GIT2: variants seen among roughly 807,000 people sequenced by gnomAD.
GIT2 encodes GIT ArfGAP 2, also known as ARF GTPase-activating protein GIT2.
GIT2 carries 32 observed loss-of-function variants against 100.3 expected under a neutral mutation model. That is an observed-to-expected ratio of 0.32 (90% CI 0.24 to 0.43). GIT2 has a LOEUF of 0.43. Ranked by LOEUF, GIT2 falls within the 20% of genes least tolerant of loss-of-function variation. The pLI is 1.00. For synonymous variants in GIT2, 353 were observed against 364.1 expected (o/e 0.97, Z 0.35); for missense variants, 737 against 975.1 (o/e 0.76, Z 3.25).
chr12:109,992,198 G>A (rs1435662409), intron 1 of GIT2: 3 of 141,916 alleles, frequency 2.1e-5, no homozygotes, highest in Non-Finnish European at 3.0e-5. Context: ...CCAGGCTGGA[G>A]TACAGAGGCA....
At chr12:109,938,703 G>T in intron 17 of GIT2, 135 bp from the exon 18 acceptor site, 1 of 610,766 alleles carries the variant, frequency 1.6e-6, no homozygotes, top group Non-Finnish European at 2.8e-6. Flanking sequence ...CTGTCTAGCA[G>T]GAGACTCATG....
intron 7 of GIT2, among the ~76,000 whole-genome samples, chr12:109,970,535 C>T (rs1481388129): frequency 6.6e-6 from 1 of 152,134 alleles, no homozygotes; most frequent in Non-Finnish European, 1.5e-5. Flanking sequence ...ACTATCCTTC[C>T]TCCACCACTG....
At chr12:109,969,103 C>G (rs1274294776) in intron 7 of GIT2, among the ~76,000 whole-genome samples, 1 of 151,580 alleles carries the variant, frequency 6.6e-6, no homozygotes, top group Non-Finnish European at 1.5e-5. Context: ...GTATTTTTCT[C>G]CCAGTCTGTT....
At chr12:109,991,583 T>G (rs373614837) in intron 2 of GIT2, 44 bp downstream of exon 2, 3 of 1,538,968 alleles carry the variant, frequency 1.9e-6, no homozygotes, top group Non-Finnish European at 2.7e-6. Context: ...TGATGAGCCC[T>G]AAAATGTAAA....
chr12:109,983,044 C>CA, intron 6 of GIT2: 1 of 208,254 alleles, frequency 4.8e-6, no homozygotes, highest in South Asian at 8.9e-5. Flanking sequence ...CTTTTAAGTT[C>CA]AAGAAATAAC....
intron 1 of GIT2, among the ~76,000 whole-genome samples, chr12:109,995,292 G>A (rs1323557389): frequency 4.6e-5 from 7 of 152,178 alleles, no homozygotes; most frequent in African/African-American, 1.7e-4. Flanking sequence ...TGGCTTTAGC[G>A]TTTCAATGCC....
At chr12:109,936,854 G>T (rs531225355) in intron 18 of GIT2, among the ~76,000 whole-genome samples, 14 of 147,104 alleles carry the variant, frequency 9.5e-5, no homozygotes, top group African/African-American at 3.6e-4. Context: ...GGGTGACAGA[G>T]CAAGACTCTG....
chr12:109,996,594 C>T (rs182995277), upstream of GIT2, among the ~76,000 whole-genome samples: 397 of 152,338 alleles, frequency 2.6e-3, 5 homozygotes, highest in African/African-American at 8.9e-3. Context: ...AACCCTGCAG[C>T]CACAACCTTC....
chr12:109,951,670 T>C lies in GIT2; in HGVS notation c.1243-354A>G, dbSNP rs1178342920. Among the ~76,000 whole-genome samples the C allele has an allele frequency of 2.6e-5, 4 of 152,224 alleles. No homozygotes were observed. In the South Asian group the frequency reaches 6.2e-4, roughly 24 times the overall value. ...TTCATTCCAACATTTTCATTGAACA[T>C]TAGGCAGTGTTCTAGGTGCTTGGGA... On this transcript the variant is annotated intron_variant, in intron 13 of 19. Transcript: ENST00000355312.
intron 4 of GIT2, chr12:109,983,974 T>C: frequency 2.5e-6 from 1 of 399,378 alleles, no homozygotes; most frequent in South Asian, 2.7e-5. Context: ...AGAACCTGAG[T>C]GAGAGGCAGG....
intron 7 of GIT2, among the ~76,000 whole-genome samples, chr12:109,973,334 T>A (rs1884360427): frequency 1.3e-5 from 2 of 151,890 alleles, no homozygotes; most frequent in Admixed American, 1.3e-4. Flanking sequence ...AGAGACGGAG[T>A]TTCACCATGT....
intron 7 of GIT2, among the ~76,000 whole-genome samples, chr12:109,971,910 C>T (rs1883968371): frequency 1.3e-5 from 2 of 151,742 alleles, no homozygotes; most frequent in Non-Finnish European, 2.9e-5. Context: ...AGGAGAATTG[C>T]TTGAACCCGG....
At chr12:109,978,391 G>A (rs1342225434) in intron 7 of GIT2, among the ~76,000 whole-genome samples, 2 of 152,058 alleles carry the variant, frequency 1.3e-5, no homozygotes, top group Non-Finnish European at 2.9e-5. Context: ...CCCAAATTTA[G>A]AGGGTTTTTT....
At chr12:109,965,261 T>G (rs1278617657) in intron 9 of GIT2, among the ~76,000 whole-genome samples, 1 of 152,160 alleles carries the variant, frequency 6.6e-6, no homozygotes, top group African/African-American at 2.4e-5. Context: ...GGAGAACAAC[T>G]GCCTAATGCC....
At position 109,929,922 on chromosome 12, in the gene GIT2, G is replaced by A. The variant is rs1369120884; in HGVS notation, c.*3056C>T. 6.6e-6 allele frequency: 1 copy of A among 152,574 alleles called. No homozygotes were observed. Among genetic ancestry groups the A allele is most frequent in the African/African-American group, 2.4e-5 (1 of 41,450 alleles). 9.5% of individuals were successfully genotyped at this position (152,574 alleles called of 1,614,324 possible). ...TGTACAATAAAAAGTACAGAATAAT[G>A]AGTGACAGGGATCAAACACGTTGGA... On this transcript the variant is annotated 3_prime_UTR_variant, in exon 20 of 20. Transcript: ENST00000355312.
intron 12 of GIT2, among the ~76,000 whole-genome samples, chr12:109,958,242 C>A (rs1880086609): frequency 1.3e-5 from 2 of 151,068 alleles, no homozygotes; most frequent in South Asian, 4.2e-4. Context: ...CCGTGCCTGG[C>A]CCCCAATTTT....
In GIT2 at chr12:109,947,440, A is replaced by C. The variant is rs1485462505; in HGVS notation, c.1457T>G (p.Val486Gly). 6.2e-7 allele frequency: 1 copy of C among 1,613,730 alleles called. No homozygotes were observed. The highest frequency in any genetic ancestry group is 8.5e-7 in the Non-Finnish European group (1 of 1,179,630). ...GTCTGTGTACTCAGAACCAGTTTGC[A>C]CCTGATATACATTGGTTGTGGCCTG... ...RKQATTNVYQ[V>G]QTGSEYTDTS... Residue 486 changes from valine to glycine, a missense_variant, in exon 15 of 20, where the codon GTG becomes GGG. Around this residue, in one of 3 missense-constraint regions of GIT2, gnomAD observed 451 missense variants for 543.7 expected, o/e 0.83. Coordinates refer to ENST00000355312, the MANE Select transcript of GIT2 (RefSeq NM_057169.5). The surrounding 1 kb of genome is among the most constrained non-coding windows in gnomAD (Gnocchi z 4.3).
rs372990358 is a variant in GIT2, at chr12:109,938,576, C to T, written c.1815-8G>A. On this transcript the variant is annotated splice_polypyrimidine_tract_variant and splice_region_variant and intron_variant, in intron 17 of 19. Transcript: ENST00000355312. ...CGTCCCTTTCGGCTTGACCTGTGAACATTAAAGATGCAGTTAAATACAGCA... is the reference window on the plus strand; with the variant it reads ...CGTCCCTTTCGGCTTGACCTGTGAATATTAAAGATGCAGTTAAATACAGCA... 4.5e-6 allele frequency: 7 copies of T among 1,569,842 alleles called. No individual in the cohort carries two copies. In the African/African-American group the frequency reaches 9.6e-5, roughly 21 times the overall value.
intron 7 of GIT2, 41 bp from the exon 8 acceptor site, chr12:109,967,544 T>C: frequency 1.5e-6 from 2 of 1,355,178 alleles, no homozygotes; most frequent in Non-Finnish European, 1.1e-6. Flanking sequence ...CATAGAAATG[T>C]TGATAAGATC....
Sources: allele counts gnomAD v4.1 joint callset (sites outside exome capture counted in the v4.1 genomes callset), GRCh38; gene constraint gnomAD v4.1.1; regional missense constraint gnomAD v4.1.1; non-coding constraint Gnocchi (gnomAD v3.1); transcripts MANE v1.5; gene names NCBI Gene and HGNC (gene_info 2026-07-23, HGNC 2026-07-21).